Variants in MELTF observed in about 807,000 individuals in gnomAD.
MELTF encodes antigen p97 (melanoma associated) identified by monoclonal antibodies 133.2 and 96.5.
MELTF carries 67 observed loss-of-function variants against 83.7 expected under a neutral mutation model. The ratio of observed to expected loss-of-function variants is 0.80; its 90% confidence interval spans 0.66 to 0.98. The LOEUF is 0.98. MELTF is among the 50% of genes least tolerant of loss of function. The probability of loss-of-function intolerance (pLI) is 0.00; values close to 1 mark genes in which losing one functional copy is unlikely to be tolerated. For synonymous variants in MELTF, 462 were observed against 447.6 expected (o/e 1.03, Z -0.41); for missense variants, 1,002 against 1,035.6 (o/e 0.97, Z 0.44).
In MELTF at chr3:197,024,476, G is replaced by A; in HGVS notation, c.314C>T (p.Thr105Ile). The A allele has an allele frequency of 1.3e-6, 2 of 1,581,186 alleles. No homozygotes were observed. Among genetic ancestry groups the A allele is most frequent in the Non-Finnish European group, 1.7e-6 (2 of 1,156,674 alleles). Reference protein sequence around the residue: ...VGEVYDQEVGTSYYAVAVVRR... With the variant: ...VGEVYDQEVGISYYAVAVVRR... ...GACCACAGCCACGGCGTAATAGGAG[G>A]TACCGACCTCTAGGAGGGGAGGGGA... Residue 105 changes from threonine (T) to isoleucine (I), a missense_variant, in exon 4 of 16, where the codon ACC becomes ATC. Coordinates refer to ENST00000296350, the MANE Select transcript of MELTF (RefSeq NM_005929.6). This position sits in a 1 kb window ranked among gnomAD's most constrained non-coding sequence, Gnocchi z 5.3.
At position 197,024,169 on chromosome 3, in the gene MELTF, G is replaced by A. The variant is rs971318575; in HGVS notation, c.487+134C>T. Reference sequence around the variant, plus strand: ...GAGGCGGGGGAGGCACGGGGCGGGCGGGGGCTGCTGCGCCTTCCAGGAATG... The same window carrying A: ...GAGGCGGGGGAGGCACGGGGCGGGCAGGGGCTGCTGCGCCTTCCAGGAATG... On this transcript the variant is annotated intron_variant, in intron 4 of 15. Transcript: ENST00000296350. This position sits in a 1 kb window ranked among gnomAD's most constrained non-coding sequence, Gnocchi z 5.3. 40 of 968,188 alleles carry A rather than the reference G, an allele frequency of 4.1e-5. No homozygotes were observed. The highest frequency in any genetic ancestry group is 5.6e-5 in the Admixed American group (2 of 35,660). The allele number at this position is 968,188 out of a possible 1,614,324, so 60.0% of individuals were successfully genotyped here.
intron 11 of MELTF, 36 bp from the exon 12 acceptor site, chr3:197,009,001 C>T: frequency 6.2e-7 from 1 of 1,611,144 alleles, no homozygotes; most frequent in Non-Finnish European, 8.5e-7. Context: ...GAGGGGCCAG[C>T]AGTGGAAAGT....
rs1260558274 is a variant in MELTF at position 197,006,030 on chromosome 3, C to T, written c.1938+519G>A. On this transcript the variant is annotated intron_variant, in intron 14 of 15. Coordinates refer to ENST00000296350, the MANE Select transcript of MELTF (RefSeq NM_005929.6). This position sits in a 1 kb window ranked among gnomAD's most constrained non-coding sequence, Gnocchi z 5.4. ...GGTCAGGAGATCGAGACCATCCTGG[C>T]TAACACGGTGAAACCCCTTCTCTAC... Among the ~76,000 whole-genome samples the T allele has an allele frequency of 6.6e-6, 1 of 152,062 alleles. No homozygotes were observed. The highest frequency in any genetic ancestry group is 2.4e-5 in the African/African-American group (1 of 41,388).
rs989347293 is a variant in MELTF at position 197,022,205 on chromosome 3, C to T, written c.645-734G>A. The stretch of plus-strand genomic sequence containing the variant: ...GGCAAAGGGTCTGCTTGGGTCCCCA[C>T]GGGCAGAAAATGCACAGGGATTAGA... On this transcript the variant is annotated intron_variant, in intron 5 of 15. Coordinates refer to ENST00000296350, the MANE Select transcript of MELTF (RefSeq NM_005929.6). This position sits in a 1 kb window ranked among gnomAD's most constrained non-coding sequence, Gnocchi z 5.1. Among the ~76,000 whole-genome samples the T allele has an allele frequency of 3.9e-5, 6 of 152,058 alleles. No individual in the cohort carries two copies. Among genetic ancestry groups the T allele is most frequent in the African/African-American group, 1.2e-4 (5 of 41,384 alleles).
chr3:197,007,504 T>C lies in MELTF; in HGVS notation c.1751-768A>G, dbSNP rs532903583. 6.6e-6 allele frequency among the ~76,000 whole-genome samples: 1 copy of C among 152,252 alleles called. No homozygotes were observed. The highest frequency in any genetic ancestry group is 2.4e-5 in the African/African-American group (1 of 41,536). On this transcript the variant is annotated intron_variant, in intron 13 of 15. Transcript: ENST00000296350. This position sits in a 1 kb window ranked among gnomAD's most constrained non-coding sequence, Gnocchi z 4.3. ...GCGGGTGACTCACTGCAAGTGAACCTCCCAAGGCCTCTCCAGCACCTGCCC... is the reference window on the plus strand; with the variant it reads ...GCGGGTGACTCACTGCAAGTGAACCCCCCAAGGCCTCTCCAGCACCTGCCC...
rs778156728 is a variant in MELTF, at chr3:197,017,153, G to A, written c.850C>T (p.Arg284Trp). 40 of 1,611,500 alleles carry A rather than the reference G, an allele frequency of 2.5e-5. No individual in the cohort carries two copies. The East Asian group carries it at 2.9e-4, about 12-fold the overall frequency. ...ARVPAHAVVV[R>W]ADTDGGLIFR... ...ATGAGGCCCCCATCTGTGTCGGCCC[G>A]GACCACCACGGCGTGAGCAGGCACC... The change falls in exon 7 of 16, where the codon CGG becomes TGG. Residue 284 changes from arginine to tryptophan, a missense_variant. Physicochemically the swap from Arg to Trp is moderately radical, Grantham distance 101. Coordinates refer to ENST00000296350, the MANE Select transcript of MELTF (RefSeq NM_005929.6).
rs1431221866 is a variant in MELTF at position 197,027,870 on chromosome 3, G to C, written c.90C>G (p.Asp30Glu). ...TGTTGCCGCACTTGTGCTGCTCTGGGTCCGAGGTGGCGCACCACCGCACCT... is the reference window on the plus strand; with the variant it reads ...TGTTGCCGCACTTGTGCTGCTCTGGCTCCGAGGTGGCGCACCACCGCACCT... ...GMEVRWCATS[D>E]PEQHKCGNMS... The change falls in exon 2 of 16, where the codon GAC becomes GAG. Residue 30 changes from aspartate to glutamate, a missense_variant. Asp to Glu is a conservative substitution (Grantham distance 45). Transcript: ENST00000296350. 6.2e-7 allele frequency: 1 copy of C among 1,607,742 alleles called. No individual in the cohort carries two copies. The highest frequency in any genetic ancestry group is 1.3e-5 in the African/African-American group (1 of 74,964).
chr3:197,024,158 A>AGGGGGGGGGGGGGGG lies in MELTF; in HGVS notation c.487+144_487+145insCCCCCCCCCCCCCCC. 1.3e-6 allele frequency: 1 copy of AGGGGGGGGGGGGGGG among 796,644 alleles called. No homozygotes were observed. Among genetic ancestry groups the AGGGGGGGGGGGGGGG allele is most frequent in the Non-Finnish European group, 1.9e-6 (1 of 537,396 alleles). The allele number at this position is 796,644 out of a possible 1,614,324, so 49.3% of individuals were successfully genotyped here. ...GCGGCAGAGTGGAGGCGGGGGAGGC[A>AGGGGGGGGGGGGGGG]CGGGGCGGGCGGGGGCTGCTGCGCC... On this transcript the variant is annotated intron_variant, in intron 4 of 15. Transcript: ENST00000296350. The surrounding 1 kb of genome is among the most constrained non-coding windows in gnomAD (Gnocchi z 5.3).
At chr3:197,019,784 G>C in intron 6 of MELTF, 1 of 1,579,340 alleles carries the variant, frequency 6.3e-7, no homozygotes, top group Non-Finnish European at 8.7e-7. Flanking sequence ...GTCCATGTTT[G>C]CCTTCGTGAT....
At chr3:197,017,975 G>C (rs1428957157) in intron 6 of MELTF, among the ~76,000 whole-genome samples, 1 of 151,912 alleles carries the variant, frequency 6.6e-6, no homozygotes, top group Non-Finnish European at 1.5e-5. Context: ...TCTGAGCAGG[G>C]GGCAGGGGGC....
intron 10 of MELTF, 140 bp downstream of exon 10, chr3:197,010,558 G>T: frequency 1.5e-6 from 1 of 686,092 alleles, no homozygotes; most frequent in South Asian, 1.8e-5. Context: ...GGGCAGGAGG[G>T]GCAGGCCTGG....
chr3:197,019,169 T>C, intron 6 of MELTF: 7 of 993,204 alleles, frequency 7.0e-6, no homozygotes, highest in Non-Finnish European at 8.4e-6. Context: ...CTGTTAATGA[T>C]TCAGTGTAGT....
intron 6 of MELTF, among the ~76,000 whole-genome samples, chr3:197,018,509 T>C (rs1425137657): frequency 1.3e-5 from 2 of 149,916 alleles, no homozygotes; most frequent in South Asian, 2.1e-4. Flanking sequence ...TGCAGTGGCA[T>C]GATCTTGGCT....
chr3:197,021,473 T>G lies in MELTF; in HGVS notation c.645-2A>C. ...TCCCCTGCCCCTTCCGCCAGGCACC[T>G]GCGGAGGAGAAGCTGTGGGTCTGGA... On this transcript the variant is annotated splice_acceptor_variant, in intron 5 of 15. Coordinates refer to ENST00000296350, the MANE Select transcript of MELTF (RefSeq NM_005929.6). LOFTEE classifies it high-confidence loss of function. The G allele has an allele frequency of 6.2e-7, 1 of 1,613,442 alleles. No individual in the cohort carries two copies. Among genetic ancestry groups the G allele is most frequent in the South Asian group, 1.1e-5 (1 of 91,056 alleles).
chr3:197,003,597 T>C lies in MELTF; in HGVS notation c.2138-146A>G. On this transcript the variant is annotated intron_variant, in intron 15 of 15. Coordinates refer to ENST00000296350, the MANE Select transcript of MELTF (RefSeq NM_005929.6). This position sits in a 1 kb window ranked among gnomAD's most constrained non-coding sequence, Gnocchi z 6.2. Reference sequence around the variant, plus strand: ...TTGTGCTCCTTTCCCCTGCTGCCCTTCCAGATGCGCTCTTTCCAGAAAGGC... The same window carrying C: ...TTGTGCTCCTTTCCCCTGCTGCCCTCCCAGATGCGCTCTTTCCAGAAAGGC... 1 of 685,916 alleles carries C rather than the reference T, an allele frequency of 1.5e-6. No individual in the cohort carries two copies. Among genetic ancestry groups the C allele is most frequent in the Non-Finnish European group, 2.2e-6 (1 of 450,698 alleles). The allele number at this position is 685,916 out of a possible 1,614,324, so 42.5% of individuals were successfully genotyped here.
At chr3:197,014,378 GGA>G (rs1719284115) in intron 9 of MELTF, among the ~76,000 whole-genome samples, 1 of 145,270 alleles carries the variant, frequency 6.9e-6, no homozygotes, top group Non-Finnish European at 1.5e-5. Flanking sequence ...GGAGGAATAG[GGA>G]GAGTTTTTTT....
intron 10 of MELTF, 32 bp from the exon 11 acceptor site, chr3:197,009,844 C>G (rs1288969035): frequency 6.3e-7 from 1 of 1,591,128 alleles, no homozygotes; most frequent in East Asian, 2.3e-5. Flanking sequence ...TGAGGGGCCC[C>G]TCATCTGAGA....
At position 197,003,989 on chromosome 3, in the gene MELTF, G is replaced by C. The variant is rs201574477; in HGVS notation, c.2049C>G (p.Val683=). Residue 683 remains valine, a synonymous_variant, in exon 15 of 16, where the codon GTC becomes GTG. Transcript: ENST00000296350. The surrounding 1 kb of genome is among the most constrained non-coding windows in gnomAD (Gnocchi z 6.2). ...AGCCGCGGTAGGTGGTTTTCTCTCC[G>C]ACAGGCACCGCCCGGACGGTGGCAT... ...FKDATVRAVP[V]GEKTTYRGWL... The C allele has an allele frequency of 8.1e-6, 13 of 1,614,166 alleles. No individual in the cohort carries two copies. The East Asian group carries it at 2.5e-4, about 30-fold the overall frequency.
chr3:197,004,750 G>A (rs1189013934), intron 14 of MELTF: 4 of 154,090 alleles, frequency 2.6e-5, no homozygotes, highest in Non-Finnish European at 4.3e-5. Context: ...ATGCATGAAT[G>A]TCTATGTAAA....
Sources: allele counts gnomAD v4.1 joint callset (sites outside exome capture counted in the v4.1 genomes callset), GRCh38; gene constraint gnomAD v4.1.1; non-coding constraint Gnocchi (gnomAD v3.1); transcripts MANE v1.5; gene names NCBI Gene and HGNC (gene_info 2026-07-23, HGNC 2026-07-21).